The following PARP15 variants were observed in gnomAD, a reference collection of about 807,000 sequenced individuals.
PARP15 encodes poly(ADP-ribose) polymerase family member 15, also known as protein mono-ADP-ribosyltransferase PARP15.
A neutral mutation model predicts 62.1 loss-of-function variants in PARP15; 50 were observed. The observed-to-expected ratio is 0.81, with a 90% CI of 0.64 to 1.02. PARP15 has a LOEUF of 1.02. Ranked by LOEUF, PARP15 falls within the 50% of genes least tolerant of loss-of-function variation. The probability of loss-of-function intolerance (pLI) is 0.00; values close to 1 mark genes in which losing one functional copy is unlikely to be tolerated. For missense variants in PARP15, 820 were observed against 826.5 expected (o/e 0.99, Z 0.10); for synonymous variants, 309 against 293.1 (o/e 1.05, Z -0.55).
chr3:122,615,685 T>A, intron 4 of PARP15, 94 bp from the exon 5 acceptor site: 1 of 1,596,838 alleles, frequency 6.3e-7, no homozygotes, highest in Non-Finnish European at 8.5e-7. Context: ...ACTATTGTTA[T>A]CAACTCTTTG....
chr3:122,636,940 G>T lies in PARP15; in HGVS notation c.*840G>T, dbSNP rs1388032595. 2 of 152,216 alleles carry T rather than the reference G, an allele frequency of 1.3e-5. No homozygotes were observed. The highest frequency in any genetic ancestry group is 2.9e-5 in the Non-Finnish European group (2 of 68,076). The allele number at this position is 152,216 out of a possible 1,614,324, so 9.4% of individuals were successfully genotyped here. A position where few individuals can be genotyped will look rare whatever the true frequency, so the allele number is the denominator to read the frequency against. On this transcript the variant is annotated 3_prime_UTR_variant, in exon 12 of 12. Transcript: ENST00000464300. ...CCACAGGCTGCTTGAGTGTCCTCAT[G>T]ACACAACAGTTGGCTTACTCCAGAG...
intron 1 of PARP15, 124 bp downstream of exon 1, chr3:122,577,977 C>G: frequency 1.0e-6 from 1 of 980,130 alleles, no homozygotes; most frequent in Non-Finnish European, 1.4e-6. Flanking sequence ...TTCTAGGGGG[C>G]GCCGACTACA....
At chr3:122,619,520 C>CAA (rs1283394946) in intron 6 of PARP15, among the ~76,000 whole-genome samples, 1 of 152,126 alleles carries the variant, frequency 6.6e-6, no homozygotes, top group Non-Finnish European at 1.5e-5. Flanking sequence ...CAAATAACTG[C>CAA]AAAAACAGTC....
Position 122,613,195 on chromosome 3 carries a change from G to A in PARP15, c.698G>A (p.Ser233Asn). ...TCAGAAGTGTTCGAATACAGTAGCA[G>A]CACAAGGCCGATAACTAGCCCTTTA... ...ILSEVFEYSS[S>N]TRPITSPLQE... The change falls in exon 4 of 12, where the codon AGC (serine) becomes AAC (asparagine). Residue 233 changes from serine to asparagine, a missense_variant. By Grantham distance (46) the Ser-to-Asn change is conservative (BLOSUM62 1). Coordinates refer to ENST00000464300, the MANE Select transcript of PARP15 (RefSeq NM_001113523.3). The A allele has an allele frequency of 6.4e-7, 1 of 1,551,826 alleles. No homozygotes were observed. The highest frequency in any genetic ancestry group is 1.2e-5 in the South Asian group (1 of 84,062).
intron 6 of PARP15, 129 bp from the exon 7 acceptor site, chr3:122,619,652 G>C (rs1936210212): frequency 1.4e-6 from 1 of 738,882 alleles, no homozygotes; most frequent in African/African-American, 1.7e-5. Flanking sequence ...AAGAGCAGTT[G>C]GTCGGGCGTG....
intron 11 of PARP15, 114 bp downstream of exon 11, chr3:122,635,308 G>C (rs909746153): frequency 1.1e-6 from 1 of 919,392 alleles, no homozygotes; most frequent in Non-Finnish European, 1.6e-6. Flanking sequence ...TGTCAGAATA[G>C]AGCTCACTGT....
At chr3:122,608,036 G>A (rs947639680) in intron 2 of PARP15, among the ~76,000 whole-genome samples, 2 of 151,934 alleles carry the variant, frequency 1.3e-5, no homozygotes, top group African/African-American at 4.8e-5. Flanking sequence ...CATCTTCGGT[G>A]TCTTCCTACT....
chr3:122,580,221 A>C (rs1396623879), intron 1 of PARP15, among the ~76,000 whole-genome samples: 1 of 151,522 alleles, frequency 6.6e-6, no homozygotes, highest in African/African-American at 2.4e-5. Flanking sequence ...TTTTATGTCT[A>C]CTTGTTCTAT....
chr3:122,623,523 G>A (rs955185287), intron 8 of PARP15, among the ~76,000 whole-genome samples: 11 of 152,174 alleles, frequency 7.2e-5, no homozygotes, highest in African/African-American at 2.4e-4. Flanking sequence ...ATGCCCACAG[G>A]TAGATTGTGG....
chr3:122,604,634 C>T (rs1935031607), intron 1 of PARP15, among the ~76,000 whole-genome samples: 1 of 152,014 alleles, frequency 6.6e-6, no homozygotes, highest in South Asian at 2.1e-4. Context: ...GCGGGCAGAT[C>T]ACGAGGTCAG....
chr3:122,604,163 A>G (rs896669908), intron 1 of PARP15, among the ~76,000 whole-genome samples: 4 of 152,238 alleles, frequency 2.6e-5, no homozygotes, highest in African/African-American at 9.6e-5. Flanking sequence ...ACCACATTCA[A>G]GTACTGTGTC....
At chr3:122,599,731 G>T (rs1934649810) in intron 1 of PARP15, among the ~76,000 whole-genome samples, 1 of 152,146 alleles carries the variant, frequency 6.6e-6, no homozygotes, top group African/African-American at 2.4e-5. Flanking sequence ...GCACCACCAA[G>T]CCCAGCTAAT....
rs1936352658 is a variant in PARP15 at position 122,621,619 on chromosome 3, G to A, written c.1231+8G>A. The A allele has an allele frequency of 6.4e-7, 1 of 1,571,832 alleles. No individual in the cohort carries two copies. Among genetic ancestry groups the A allele is most frequent in the African/African-American group, 1.4e-5 (1 of 72,616 alleles). ...TTCCAGCCATTGGAACAGGTTTGCA[G>A]CTTATCATTCTATAATAAAATTTGA... On this transcript the variant is annotated splice_region_variant and intron_variant, in intron 8 of 11. Coordinates refer to ENST00000464300, the MANE Select transcript of PARP15 (RefSeq NM_001113523.3).
At chr3:122,591,476 A>T (rs1933904691) in intron 1 of PARP15, among the ~76,000 whole-genome samples, 1 of 152,088 alleles carries the variant, frequency 6.6e-6, no homozygotes, top group Non-Finnish European at 1.5e-5. Flanking sequence ...TCTTAAAAAT[A>T]TTGGGGCCAG....
chr3:122,622,799 T>C (rs1039983122), intron 8 of PARP15, among the ~76,000 whole-genome samples: 3 of 152,214 alleles, frequency 2.0e-5, no homozygotes, highest in Admixed American at 6.5e-5. Context: ...TTCATTCACA[T>C]CCATGTCCCC....
intron 1 of PARP15, among the ~76,000 whole-genome samples, chr3:122,593,676 A>G (rs1403733276): frequency 2.0e-5 from 3 of 152,050 alleles, no homozygotes; most frequent in Non-Finnish European, 2.9e-5. Context: ...TTATAAACAC[A>G]TTTGTTTTCT....
rs115615688 is a variant in PARP15, at chr3:122,619,979, G to A, written c.1063+136G>A. 1.5e-3 allele frequency: 1,163 copies of A among 753,398 alleles called. 12 individuals carry two copies. Among genetic ancestry groups the A allele is most frequent in the African/African-American group, 0.013 (759 of 58,100 alleles). 46.7% of individuals were successfully genotyped at this position (753,398 alleles called of 1,614,324 possible). ...GCAAGAAGGTTGGTTCACTGGAAGA[G>A]CAGGCAGAGGTGGTGGAACTTGGAG... On this transcript the variant is annotated intron_variant, in intron 7 of 11. Transcript: ENST00000464300.
At position 122,636,083 on chromosome 3, in the gene PARP15, A is replaced by T. The variant is rs1482070855; in HGVS notation, c.2020A>T (p.Ile674Leu). 6.2e-6 allele frequency: 10 copies of T among 1,607,782 alleles called. No homozygotes were observed. In the African/African-American group the frequency reaches 9.4e-5, roughly 15 times the overall value. ...FDNQAYPEYL[I>L]TFTA Reference sequence around the variant, plus strand: ...TAATCAGGCTTACCCAGAATATCTCATAACTTTCACGGCTTAAAAATATTT... The same window carrying T: ...TAATCAGGCTTACCCAGAATATCTCTTAACTTTCACGGCTTAAAAATATTT... Residue 674 changes from isoleucine to leucine, a missense_variant, in exon 12 of 12, where the codon ATA becomes TTA. This residue lies in a region of PARP15 where 84 missense variants were observed against 79.7 expected (regional missense o/e 1.05). Coordinates refer to ENST00000464300, the MANE Select transcript of PARP15 (RefSeq NM_001113523.3).
At chr3:122,617,436 G>A (rs76212105) in intron 6 of PARP15, among the ~76,000 whole-genome samples, 3,775 of 152,226 alleles carry the variant, frequency 0.025, 61 homozygotes, top group South Asian at 0.043. Context: ...ATATAAAGGT[G>A]GAGTTTAACT....
Sources: allele counts gnomAD v4.1 joint callset (sites outside exome capture counted in the v4.1 genomes callset), GRCh38; gene constraint gnomAD v4.1.1; regional missense constraint gnomAD v4.1.1; transcripts MANE v1.5; gene names NCBI Gene and HGNC (gene_info 2026-07-23, HGNC 2026-07-21).